The following KIFAP3 variants were observed in gnomAD, a reference collection of about 807,000 sequenced individuals.
KIFAP3 encodes the protein kinesin-associated protein 3.
Under a neutral mutation model 106.5 loss-of-function variants are expected in KIFAP3, and 68 were observed. The observed-to-expected ratio is 0.64, with a 90% CI of 0.53 to 0.78. KIFAP3 has a LOEUF of 0.78. Among genes scored for constraint, KIFAP3 ranks in the 30% least tolerant of loss-of-function variants. The probability of loss-of-function intolerance (pLI) is 0.00; values close to 1 mark genes in which losing one functional copy is unlikely to be tolerated. For synonymous variants in KIFAP3, 320 were observed against 311.5 expected (o/e 1.03, Z -0.29); for missense variants, 780 against 941.8 (o/e 0.83, Z 2.25).
chr1:169,965,630 T>G (rs932094562), intron 17 of KIFAP3, among the ~76,000 whole-genome samples: 5 of 152,040 alleles, frequency 3.3e-5, no homozygotes, highest in Admixed American at 2.0e-4. Flanking sequence ...CTTTTAAGAT[T>G]ATCCTAATTT....
At chr1:169,972,455 G>A in intron 17 of KIFAP3, 58 bp downstream of exon 17, 3 of 854,758 alleles carry the variant, frequency 3.5e-6, no homozygotes, top group Non-Finnish European at 1.9e-6. Flanking sequence ...GGTTTACAAT[G>A]ACTTTCTCCC....
At chr1:169,929,461 T>C (rs1190640224) in intron 19 of KIFAP3, among the ~76,000 whole-genome samples, 1 of 152,156 alleles carries the variant, frequency 6.6e-6, no homozygotes. Context: ...CCAATATTAA[T>C]GGCATCTTGT....
At chr1:169,990,598 T>C (rs908217189) in intron 11 of KIFAP3, among the ~76,000 whole-genome samples, 1 of 152,120 alleles carries the variant, frequency 6.6e-6, no homozygotes, top group African/African-American at 2.4e-5. Context: ...TAATCATAAT[T>C]CAAATTAGTG....
chr1:169,943,039 C>T (rs1470107149), intron 19 of KIFAP3, among the ~76,000 whole-genome samples: 1 of 151,788 alleles, frequency 6.6e-6, no homozygotes, highest in Non-Finnish European at 1.5e-5. Flanking sequence ...TCATTTAATA[C>T]AGCTTAATAT....
chr1:169,984,675 A>C lies in KIFAP3; in HGVS notation c.1300T>G (p.Phe434Val). The change falls in exon 12 of 20, where the codon TTT becomes GTT. Residue 434 changes from phenylalanine to valine, a missense_variant. Coordinates refer to ENST00000361580, the MANE Select transcript of KIFAP3 (RefSeq NM_014970.4). ...TCAATTCGTTCATCTGAACATTCAAACAGCATCTTCATTAACTAGCAAGAA... is the reference window on the plus strand; with the variant it reads ...TCAATTCGTTCATCTGAACATTCAACCAGCATCTTCATTAACTAGCAAGAA... ...DCIPQLMKML[F>V]ECSDERIDLE... 6.3e-7 allele frequency: 1 copy of C among 1,599,216 alleles called. No individual in the cohort carries two copies. The highest frequency in any genetic ancestry group is 8.6e-7 in the Non-Finnish European group (1 of 1,168,946).
At chr1:169,984,360 G>A (rs935648164) in intron 12 of KIFAP3, among the ~76,000 whole-genome samples, 2 of 151,672 alleles carry the variant, frequency 1.3e-5, no homozygotes, top group African/African-American at 2.4e-5. Context: ...TTTCAATTAA[G>A]GCTAACTCAC....
chr1:169,935,810 A>G (rs1663767558), intron 19 of KIFAP3, among the ~76,000 whole-genome samples: 1 of 152,004 alleles, frequency 6.6e-6, no homozygotes, highest in African/African-American at 2.4e-5. Flanking sequence ...ATTACTAATA[A>G]TTACGTTTAA....
At chr1:170,006,954 C>T (rs34866861) in intron 10 of KIFAP3, among the ~76,000 whole-genome samples, 25,083 of 151,774 alleles carry the variant, frequency 0.17, 2,223 homozygotes, top group Middle Eastern at 0.22. Flanking sequence ...CATTCTAATG[C>T]TTAGAAATTG....
intron 11 of KIFAP3, among the ~76,000 whole-genome samples, chr1:169,987,278 G>A (rs1666875632): frequency 6.6e-6 from 1 of 151,918 alleles, no homozygotes; most frequent in Non-Finnish European, 1.5e-5. Flanking sequence ...GCACTAAAAG[G>A]GCTTCAGTCT....
chr1:169,973,580 A>C (rs745873571), intron 16 of KIFAP3, among the ~76,000 whole-genome samples: 4 of 151,408 alleles, frequency 2.6e-5, no homozygotes, highest in Admixed American at 6.6e-5. Context: ...AGAAAGGCCA[A>C]GTTACTTATA....
chr1:170,057,282 T>C (rs1670900832), intron 1 of KIFAP3, among the ~76,000 whole-genome samples: 1 of 152,120 alleles, frequency 6.6e-6, no homozygotes, highest in East Asian at 1.9e-4. Flanking sequence ...TGTCCTCTGT[T>C]GTCTCATATC....
At chr1:169,993,193 C>T (rs1667186651) in intron 10 of KIFAP3, among the ~76,000 whole-genome samples, 1 of 151,526 alleles carries the variant, frequency 6.6e-6, no homozygotes, top group African/African-American at 2.4e-5. Context: ...CTGCAACCTC[C>T]ACCTCCCAGG....
intron 16 of KIFAP3, among the ~76,000 whole-genome samples, chr1:169,973,123 A>AT (rs1553278139): frequency 0.082 from 10,256 of 124,668 alleles, 1,201 homozygotes; most frequent in South Asian, 0.11. Context: ...ATATATATAT[A>AT]AACAACACAA....
chr1:170,046,469 G>C (rs1670262743), intron 3 of KIFAP3, among the ~76,000 whole-genome samples: 2 of 152,016 alleles, frequency 1.3e-5, no homozygotes, highest in Admixed American at 1.3e-4. Context: ...TTCAGTGTAT[G>C]TGTACACACA....
chr1:170,035,503 T>C lies in KIFAP3; in HGVS notation c.568A>G (p.Ser190Gly). ...ATTATGTTTGTAGCTAACTCGACAC[T>C]TTGCTTCCAGTCTTCTCTCAGGACC... ...ARVLREDWKQ[S>G]VELATNIIYI... Residue 190 changes from serine to glycine, a missense_variant, in exon 6 of 20, where the codon AGT (serine) becomes GGT (glycine). By Grantham distance (56) the Ser-to-Gly change is moderately conservative (BLOSUM62 0). Around this residue, in one of 3 missense-constraint regions of KIFAP3, gnomAD observed 588 missense variants for 678.9 expected, o/e 0.87. Transcript: ENST00000361580. The C allele has an allele frequency of 1.2e-6, 2 of 1,610,232 alleles. No homozygotes were observed. Among genetic ancestry groups the C allele is most frequent in the Non-Finnish European group, 1.7e-6 (2 of 1,177,998 alleles).
At chr1:170,055,469 T>A in intron 1 of KIFAP3, 33 bp from the exon 2 acceptor site, 1 of 1,513,046 alleles carries the variant, frequency 6.6e-7, no homozygotes. Flanking sequence ...TATAACCAGA[T>A]TAAAATTCTC....
Position 170,016,638 on chromosome 1 carries a change from TAATACA to T in KIFAP3, c.1021-20_1021-15del. On this transcript the variant is annotated splice_polypyrimidine_tract_variant and intron_variant, in intron 9 of 19. Transcript: ENST00000361580. ...ATCCATTTCCACCTAAGTAAAATAA[TAATACA>T]AATACAGTGAAGTTCTGTTGCAAAA... 2 of 1,528,686 alleles carry T rather than the reference TAATACA, an allele frequency of 1.3e-6. No individual in the cohort carries two copies. The highest frequency in any genetic ancestry group is 1.8e-6 in the Non-Finnish European group (2 of 1,130,784). The allele number at this position is 1,528,686 out of a possible 1,614,324, so 94.7% of individuals were successfully genotyped here.
At chr1:169,998,992 C>G (rs182503599) in intron 10 of KIFAP3, among the ~76,000 whole-genome samples, 1 of 152,236 alleles carries the variant, frequency 6.6e-6, no homozygotes, top group Admixed American at 6.5e-5. Flanking sequence ...CTGAATTCAT[C>G]TATTCAAACA....
At chr1:169,995,335 C>T (rs977365190) in intron 10 of KIFAP3, among the ~76,000 whole-genome samples, 10 of 151,982 alleles carry the variant, frequency 6.6e-5, no homozygotes, top group South Asian at 6.2e-4. Flanking sequence ...TTTTTTCCCC[C>T]GGAAATTGAG....
Sources: allele counts gnomAD v4.1 joint callset (sites outside exome capture counted in the v4.1 genomes callset), GRCh38; gene constraint gnomAD v4.1.1; regional missense constraint gnomAD v4.1.1; transcripts MANE v1.5; gene names NCBI Gene and HGNC (gene_info 2026-07-23, HGNC 2026-07-21).